The following CRIM1 variants were observed in gnomAD, a reference collection of about 807,000 sequenced individuals.
CRIM1 encodes cysteine rich transmembrane BMP regulator 1, also known as cysteine-rich motor neuron 1 protein.
In CRIM1, 32 loss-of-function variants were observed where a neutral mutation model predicts 116.4. That is an observed-to-expected ratio of 0.27 (90% CI 0.21 to 0.37). The LOEUF (loss-of-function observed/expected upper bound fraction) is 0.37, where lower values mean the gene tolerates loss of function less well. Ranked by LOEUF, CRIM1 falls within the 10% of genes least tolerant of loss-of-function variation. The probability of loss-of-function intolerance (pLI) is 1.00; values close to 1 mark genes in which losing one functional copy is unlikely to be tolerated. For synonymous variants in CRIM1, 590 were observed against 509.2 expected, an observed-to-expected ratio of 1.16 and a Z score of -2.13; for missense variants, 1,331 against 1,354.8, an observed-to-expected ratio of 0.98 and a Z score of 0.28.
At chr2:36,492,024 C>T (rs1374105041) in intron 7 of CRIM1, among the ~76,000 whole-genome samples, 1 of 152,046 alleles carries the variant, frequency 6.6e-6, no homozygotes, top group Admixed American at 6.6e-5. Context: ...TTTAATTTGT[C>T]TTTTGTGGTC....
chr2:36,486,142 C>G (rs1398808108), intron 7 of CRIM1, among the ~76,000 whole-genome samples: 2 of 152,296 alleles, frequency 1.3e-5, no homozygotes, highest in South Asian at 2.1e-4. Context: ...GCAAAAGACA[C>G]TCACATCCAG....
At chr2:36,461,106 A>C (rs1318885997) in intron 4 of CRIM1, among the ~76,000 whole-genome samples, 2 of 152,218 alleles carry the variant, frequency 1.3e-5, no homozygotes, top group Non-Finnish European at 2.9e-5. Context: ...TAAAATGAGG[A>C]GTAATGGAAG....
At chr2:36,511,179 G>C (rs547196974) in intron 9 of CRIM1, among the ~76,000 whole-genome samples, 1 of 152,050 alleles carries the variant, frequency 6.6e-6, no homozygotes, top group Non-Finnish European at 1.5e-5. Context: ...TGGCTCAAGC[G>C]ATCAGCCTAC....
At chr2:36,497,116 A>G in intron 7 of CRIM1, among the ~76,000 whole-genome samples, 1 of 152,162 alleles carries the variant, frequency 6.6e-6, no homozygotes, top group South Asian at 2.1e-4. Context: ...TCTGAAGGCA[A>G]AATTTTCTCA....
intron 7 of CRIM1, among the ~76,000 whole-genome samples, chr2:36,491,406 G>T (rs537541629): frequency 6.6e-6 from 1 of 152,244 alleles, no homozygotes; most frequent in East Asian, 1.9e-4. Context: ...TTCTGCTTCA[G>T]TGGAGCTCAT....
At chr2:36,499,783 A>G (rs987362637) in intron 8 of CRIM1, among the ~76,000 whole-genome samples, 2 of 152,194 alleles carry the variant, frequency 1.3e-5, no homozygotes, top group African/African-American at 4.8e-5. Context: ...TCATGTATCC[A>G]GGCCCTGCCC....
chr2:36,496,880 G>A (rs948642173), intron 7 of CRIM1, among the ~76,000 whole-genome samples: 3 of 151,918 alleles, frequency 2.0e-5, no homozygotes, highest in Non-Finnish European at 2.9e-5. Flanking sequence ...AACCTTAATC[G>A]CATGTTAATC....
intron 1 of CRIM1, among the ~76,000 whole-genome samples, chr2:36,359,229 ATC>A (rs1341837148): frequency 1.3e-5 from 2 of 152,344 alleles, no homozygotes; most frequent in African/African-American, 2.4e-5. Flanking sequence ...TACTGGTTGT[ATC>A]TGTTAATGAA....
At chr2:36,437,967 A>G (rs965990512) in intron 2 of CRIM1, among the ~76,000 whole-genome samples, 3 of 152,100 alleles carry the variant, frequency 2.0e-5, no homozygotes, top group Non-Finnish European at 4.4e-5. Context: ...CCCCATCTCT[A>G]CTAAAAATAC....
chr2:36,421,097 A>C (rs572256017), intron 2 of CRIM1, among the ~76,000 whole-genome samples: 1 of 152,250 alleles, frequency 6.6e-6, no homozygotes, highest in Admixed American at 6.5e-5. Flanking sequence ...TTGGTCCCGC[A>C]TAACTACTGT....
intron 1 of CRIM1, among the ~76,000 whole-genome samples, chr2:36,394,533 T>C (rs190785794): frequency 6.6e-6 from 1 of 152,082 alleles, no homozygotes; most frequent in Non-Finnish European, 1.5e-5. Context: ...CTAATTTCAT[T>C]GTTGTCTTGA....
intron 2 of CRIM1, among the ~76,000 whole-genome samples, chr2:36,406,505 A>G (rs757859820): frequency 5.9e-5 from 9 of 152,108 alleles, no homozygotes; most frequent in Non-Finnish European, 1.0e-4. Context: ...TCCTTTGGTC[A>G]AGGGAAGGGA....
At chr2:36,435,310 C>T (rs1028087492) in intron 2 of CRIM1, among the ~76,000 whole-genome samples, 1 of 150,944 alleles carries the variant, frequency 6.6e-6, no homozygotes, top group Non-Finnish European at 1.5e-5. Flanking sequence ...AGGATTGTCT[C>T]AGGATGGCTG....
rs574504194 is a variant in CRIM1, at chr2:36,520,863, T to A, written c.2207-1229T>A. On this transcript the variant is annotated intron_variant, in intron 12 of 16. Transcript: ENST00000280527. The stretch of plus-strand genomic sequence containing the variant: ...ATATGGCAACTACATGTCTCAGTTG[T>A]TTCTGGTTCTTGACTAAAAATAACA... Among the ~76,000 whole-genome samples, 5 of 152,318 alleles carry A rather than the reference T, an allele frequency of 3.3e-5. No individual in the cohort carries two copies. In the South Asian group the frequency reaches 6.2e-4, roughly 19 times the overall value.
At chr2:36,455,633 A>G (rs997454931) in intron 4 of CRIM1, among the ~76,000 whole-genome samples, 1 of 152,212 alleles carries the variant, frequency 6.6e-6, no homozygotes, top group Non-Finnish European at 1.5e-5. Context: ...GCAAGTAGCC[A>G]GTGGTCAACT....
intron 2 of CRIM1, among the ~76,000 whole-genome samples, chr2:36,431,766 G>A (rs927699683): frequency 1.3e-5 from 2 of 152,172 alleles, no homozygotes; most frequent in Non-Finnish European, 2.9e-5. Context: ...AGAACATCTG[G>A]TTGGAATATG....
At chr2:36,381,933 A>G (rs1253549471) in intron 1 of CRIM1, among the ~76,000 whole-genome samples, 1 of 152,192 alleles carries the variant, frequency 6.6e-6, no homozygotes, top group African/African-American at 2.4e-5. Context: ...TGTGAGGCCA[A>G]CTGTTACTCA....
intron 1 of CRIM1, among the ~76,000 whole-genome samples, chr2:36,358,173 C>T (rs1668984407): frequency 6.6e-6 from 1 of 152,188 alleles, no homozygotes; most frequent in Non-Finnish European, 1.5e-5. Context: ...AGCCTCTCAC[C>T]TGGTATTGTC....
At position 36,548,400 on chromosome 2, in the gene CRIM1, C is replaced by T. The variant is rs1456700160; in HGVS notation, c.2935-125C>T. 3 of 576,284 alleles carry T rather than the reference C, an allele frequency of 5.2e-6. No individual in the cohort carries two copies. The East Asian group carries it at 9.8e-5, about 19-fold the overall frequency. The allele number at this position is 576,284 out of a possible 1,614,324, so 35.7% of individuals were successfully genotyped here. A position where few individuals can be genotyped will look rare whatever the true frequency, so the allele number is the denominator to read the frequency against. On this transcript the variant is annotated intron_variant, in intron 16 of 16. Transcript: ENST00000280527. ...AGAACAAGATGTGATAATCTGCATA[C>T]AGGCTATCAATCAATGAATTGTGAA...
Sources: gnomAD v4.1 joint callset for allele counts (sites outside exome capture counted in the v4.1 genomes callset) on GRCh38, gnomAD v4.1.1 for gene constraint, MANE v1.5 for transcripts, NCBI Gene and HGNC (gene_info 2026-07-23, HGNC 2026-07-21) for gene names.